CCT2: variants seen among roughly 807,000 people sequenced by gnomAD.
The protein encoded by CCT2 is chaperonin containing TCP1 subunit 2.
CCT2 carries 18 observed loss-of-function variants against 61.8 expected under a neutral mutation model. The ratio of observed to expected loss-of-function variants is 0.29; its 90% CI spans 0.20 to 0.43. CCT2 has a LOEUF of 0.43. Among genes scored for constraint, CCT2 ranks in the 20% least tolerant of loss-of-function variants. The probability of loss-of-function intolerance (pLI) is 1.00; values close to 1 mark genes in which losing one functional copy is unlikely to be tolerated. For synonymous variants in CCT2, 248 were observed against 215.9 expected (o/e 1.15, Z -1.30); for missense variants, 556 against 656.9 (o/e 0.85, Z 1.68).
At chr12:69,587,205 T>G (rs561810207) in intron 3 of CCT2, 2 of 349,140 alleles carry the variant, frequency 5.7e-6, no homozygotes, top group South Asian at 1.6e-4. Flanking sequence ...CTGTCAAATA[T>G]TATCCTGTAC....
chr12:69,595,945 G>A (rs1003428478), intron 10 of CCT2, among the ~76,000 whole-genome samples: 5 of 152,218 alleles, frequency 3.3e-5, no homozygotes, highest in Non-Finnish European at 7.3e-5. Context: ...GGTGGCATGT[G>A]CCAGCAGTTT....
At chr12:69,589,772 C>T in intron 7 of CCT2, 85 bp downstream of exon 7, 1 of 1,086,004 alleles carries the variant, frequency 9.2e-7, no homozygotes, top group Non-Finnish European at 1.4e-6. Context: ...GACCAGTGAC[C>T]CTTTACAAAG....
intron 12 of CCT2, 90 bp from the exon 13 acceptor site, chr12:69,597,878 T>A (rs1882036714): frequency 1.4e-6 from 2 of 1,427,446 alleles, no homozygotes; most frequent in Admixed American, 4.0e-5. Context: ...GCACTAAATT[T>A]TAAAATGCTT....
At chr12:69,589,300 TGC>T in intron 6 of CCT2, 183 bp from the exon 7 acceptor site, 2 of 587,450 alleles carry the variant, frequency 3.4e-6, no homozygotes, top group Non-Finnish European at 6.0e-6. Context: ...TTTGGCATTT[TGC>T]CAGTTTGGTG....
intron 11 of CCT2, 103 bp downstream of exon 11, chr12:69,597,378 T>A: frequency 2.2e-6 from 3 of 1,369,952 alleles, no homozygotes; most frequent in Non-Finnish European, 3.0e-6. Context: ...TTACAAGTCT[T>A]AACTCTTCAG....
At chr12:69,593,382 A>G in intron 9 of CCT2, 128 bp from the exon 10 acceptor site, 4 of 660,760 alleles carry the variant, frequency 6.1e-6, no homozygotes, top group Non-Finnish European at 1.0e-5. Flanking sequence ...TATATAGGTA[A>G]GAAATGCAAT....
intron 7 of CCT2, 128 bp downstream of exon 7, chr12:69,589,815 G>A (rs556371188): frequency 1.1e-5 from 8 of 706,452 alleles, no homozygotes; most frequent in Non-Finnish European, 1.9e-5. Flanking sequence ...CATATCATAT[G>A]TGCAACCATT....
intron 13 of CCT2, 63 bp downstream of exon 13, chr12:69,598,134 A>C: frequency 7.9e-7 from 1 of 1,270,888 alleles, no homozygotes; most frequent in Non-Finnish European, 1.1e-6. Flanking sequence ...TTTTAAAATG[A>C]GTAGAAAATG....
intron 10 of CCT2, 39 bp downstream of exon 10, chr12:69,593,652 G>T: frequency 8.2e-7 from 1 of 1,221,100 alleles, no homozygotes; most frequent in African/African-American, 1.5e-5. Flanking sequence ...AAACACAATA[G>T]TCACTCTTGA....
rs769084610 is a variant in CCT2, at chr12:69,587,716, A to G, written c.256+100A>G. 546 of 780,114 alleles carry G rather than the reference A, an allele frequency of 7.0e-4. 2 individuals are homozygous for G. The highest frequency in any genetic ancestry group is 1.2e-3 in the Middle Eastern group (4 of 3,348). The allele number at this position is 780,114 out of a possible 1,614,324, so 48.3% of individuals were successfully genotyped here. ...GCTGTGTTGACCAATCGTACTGTCA[A>G]TTGATGTCCACTAGTTGTTAATTAT... On this transcript the variant is annotated intron_variant, in intron 4 of 15. Coordinates refer to ENST00000299300, the MANE Select transcript of CCT2 (RefSeq NM_006431.3).
Position 69,598,303 on chromosome 12 carries a change from G to A in CCT2, c.1336-19G>A, listed in dbSNP as rs978955627. ...CTTACAGTAGAGTGAGTAGTTACTT[G>A]TTTTCTTCATTTTCATAGTTGCCAA... On this transcript the variant is annotated intron_variant, in intron 13 of 15. Coordinates refer to ENST00000299300, the MANE Select transcript of CCT2 (RefSeq NM_006431.3). 4 of 1,542,678 alleles carry A rather than the reference G, an allele frequency of 2.6e-6. No individual in the cohort carries two copies. The South Asian group carries it at 4.8e-5, about 19-fold the overall frequency.
At chr12:69,588,922 TTTTA>T (rs749798075) in intron 6 of CCT2, among the ~76,000 whole-genome samples, 22 of 152,304 alleles carry the variant, frequency 1.4e-4, no homozygotes, top group Admixed American at 9.1e-4. Context: ...TTTCACGTCC[TTTTA>T]TTTATTTATT....
At chr12:69,592,762 T>C (rs2135854493) in intron 8 of CCT2, 1 of 383,694 alleles carries the variant, frequency 2.6e-6, no homozygotes, top group East Asian at 5.5e-5. Context: ...ACCCTGTCTT[T>C]ACTAAAAATA....
rs1294508628 is a variant in CCT2, at chr12:69,601,512, G to C, written c.*187G>C. 1 of 1,434,580 alleles carries C rather than the reference G, an allele frequency of 7.0e-7. No homozygotes were observed. The highest frequency in any genetic ancestry group is 9.1e-7 in the Non-Finnish European group (1 of 1,095,310). The allele number at this position is 1,434,580 out of a possible 1,614,324, so 88.9% of individuals were successfully genotyped here. ...GCCGTGTCATTTTCCATACAAATCAGTTGATTTAAAAAAGTTCATTTCTCA... is the reference window on the plus strand; with the variant it reads ...GCCGTGTCATTTTCCATACAAATCACTTGATTTAAAAAAGTTCATTTCTCA... On this transcript the variant is annotated 3_prime_UTR_variant, in exon 16 of 16. Coordinates refer to ENST00000299300, the MANE Select transcript of CCT2 (RefSeq NM_006431.3).
In CCT2 at chr12:69,600,006, T is replaced by TACCC; in HGVS notation, c.1577+3_1577+6dup. ...CAACATCATCAAAGCGGCACCCAGG[T>TACCC]ACCCTAACACTTTTCTCAGAAAAAA... On this transcript the variant is annotated splice_region_variant and intron_variant, in intron 15 of 15. Coordinates refer to ENST00000299300, the MANE Select transcript of CCT2 (RefSeq NM_006431.3). 6.2e-7 allele frequency: 1 copy of TACCC among 1,606,976 alleles called. No individual in the cohort carries two copies. Among genetic ancestry groups the TACCC allele is most frequent in the Non-Finnish European group, 8.5e-7 (1 of 1,177,296 alleles).
At chr12:69,587,892 G>T (rs557612605) in intron 4 of CCT2, 38 bp from the exon 5 acceptor site, 15 of 1,473,292 alleles carry the variant, frequency 1.0e-5, no homozygotes, top group Middle Eastern at 1.7e-4. Flanking sequence ...AGTAAGCAAA[G>T]AAGCAATTTT....
rs894917262 is a variant in CCT2 at position 69,588,956 on chromosome 12, G to A, written c.447-529G>A. 3.9e-5 allele frequency among the ~76,000 whole-genome samples: 6 copies of A among 152,266 alleles called. No individual in the cohort carries two copies. In the East Asian group the frequency reaches 7.7e-4, roughly 20 times the overall value. ...TTTATTTATTTTGAGACGGAGTCTC[G>A]CTCTTAGAGTTGCCCAGAATGGAGT... On this transcript the variant is annotated intron_variant, in intron 6 of 15. Transcript: ENST00000299300.
Position 69,588,440 on chromosome 12 carries a change from T to G in CCT2, c.446+178T>G, listed in dbSNP as rs954442782. 1.1e-5 allele frequency: 6 copies of G among 560,786 alleles called. No individual in the cohort carries two copies. The African/African-American group carries it at 1.1e-4, about 11-fold the overall frequency. 34.7% of individuals were successfully genotyped at this position (560,786 alleles called of 1,614,324 possible). Reference sequence around the variant, plus strand: ...GATAGCCACTAAAGTTAAGTTTGGGTTTTTAGTCTTTTTGTATATATCATC... The same window carrying G: ...GATAGCCACTAAAGTTAAGTTTGGGGTTTTAGTCTTTTTGTATATATCATC... On this transcript the variant is annotated intron_variant, in intron 6 of 15. Coordinates refer to ENST00000299300, the MANE Select transcript of CCT2 (RefSeq NM_006431.3).
intron 7 of CCT2, among the ~76,000 whole-genome samples, chr12:69,590,558 G>GAAAAAAAAAGA (rs1555197164): frequency 1.3e-5 from 2 of 149,940 alleles, no homozygotes; most frequent in Non-Finnish European, 3.0e-5. Flanking sequence ...TATAGAGAAG[G>GAAAAAAAAAGA]AAAAAAAAAG....
Sources: gnomAD v4.1 joint callset for allele counts (sites outside exome capture counted in the v4.1 genomes callset) on GRCh38, gnomAD v4.1.1 for gene constraint, MANE v1.5 for transcripts, NCBI Gene and HGNC (gene_info 2026-07-23, HGNC 2026-07-21) for gene names.